The following TSPAN8 variants were observed in gnomAD, a reference collection of about 807,000 sequenced individuals.
TSPAN8 encodes the protein tetraspanin 8, also known as tetraspanin-8.
TSPAN8 carries 21 observed loss-of-function variants against 32.8 expected under a neutral mutation model. The ratio of observed to expected loss-of-function variants is 0.64; its 90% confidence interval spans 0.45 to 0.92. The LOEUF is 0.92. TSPAN8 is among the 40% of genes least tolerant of loss of function. The pLI is 0.00. For missense variants in TSPAN8, 269 were observed against 281.9 expected (o/e 0.95, Z 0.33); for synonymous variants, 95 against 94.6 (o/e 1.00, Z -0.03).
chr12:71,153,122 G>T (rs1872311494), intron 2 of TSPAN8, among the ~76,000 whole-genome samples: 1 of 151,926 alleles, frequency 6.6e-6, no homozygotes, highest in South Asian at 2.1e-4. Context: ...TTATTCTACT[G>T]CATCCACGAG....
At chr12:71,129,213 G>GT in intron 8 of TSPAN8, 118 bp downstream of exon 8, 3 of 1,139,922 alleles carry the variant, frequency 2.6e-6, no homozygotes, top group Non-Finnish European at 3.6e-6. Context: ...AAGCATCTGC[G>GT]TTTTTTATGG....
At position 71,125,220 on chromosome 12, in the gene TSPAN8, A is replaced by G. The variant is rs557525437; in HGVS notation, c.*114T>C. 2.5e-4 allele frequency: 212 copies of G among 858,588 alleles called. 1 individual carries two copies. The African/African-American group carries it at 2.8e-3, about 12-fold the overall frequency. 53.2% of individuals were successfully genotyped at this position (858,588 alleles called of 1,614,324 possible). On this transcript the variant is annotated 3_prime_UTR_variant, in exon 9 of 9. Transcript: ENST00000247829. Reference sequence around the variant, plus strand: ...TATCTGTGGTCTAGCTAGCCGAGACATTTTAAAAAGACAGCTGCTCCTGAC... The same window carrying G: ...TATCTGTGGTCTAGCTAGCCGAGACGTTTTAAAAAGACAGCTGCTCCTGAC...
At chr12:71,133,246 C>A (rs1871577934) in intron 6 of TSPAN8, among the ~76,000 whole-genome samples, 1 of 151,880 alleles carries the variant, frequency 6.6e-6, no homozygotes. Context: ...ACCACCACGC[C>A]CAGCTAATTT....
intron 6 of TSPAN8, 69 bp downstream of exon 6, chr12:71,137,884 T>A (rs1036350686): frequency 7.2e-7 from 1 of 1,396,230 alleles, no homozygotes; most frequent in African/African-American, 1.5e-5. Flanking sequence ...TTAAGGAAGA[T>A]GTTAAAAACT....
chr12:71,139,255 G>T (rs1871815104), intron 4 of TSPAN8: 1 of 457,966 alleles, frequency 2.2e-6, no homozygotes, highest in Non-Finnish European at 4.4e-6. Context: ...CTGCCACGTT[G>T]TCTTTCCGGA....
At chr12:71,157,417 G>C in intron 2 of TSPAN8, 1 of 492,256 alleles carries the variant, frequency 2.0e-6, no homozygotes, top group South Asian at 3.7e-5. Flanking sequence ...CTCACATTCT[G>C]AAGTGCACTT....
At chr12:71,140,601 G>GA (rs915331236) in intron 3 of TSPAN8, among the ~76,000 whole-genome samples, 10 of 151,942 alleles carry the variant, frequency 6.6e-5, no homozygotes, top group East Asian at 1.9e-4. Context: ...GATATGAAGG[G>GA]AAAAAAAATC....
intron 6 of TSPAN8, among the ~76,000 whole-genome samples, chr12:71,136,395 A>G (rs956352588): frequency 1.2e-4 from 18 of 152,234 alleles, no homozygotes; most frequent in Admixed American, 9.8e-4. Flanking sequence ...AGGGTAGATG[A>G]CCATAAATAT....
chr12:71,137,745 C>T (rs1292390044), intron 6 of TSPAN8, among the ~76,000 whole-genome samples: 2 of 152,120 alleles, frequency 1.3e-5, no homozygotes, highest in Non-Finnish European at 2.9e-5. Flanking sequence ...TTCTTAATTT[C>T]TCTCCTTCAA....
chr12:71,136,202 A>G (rs1871691752), intron 6 of TSPAN8, among the ~76,000 whole-genome samples: 1 of 152,180 alleles, frequency 6.6e-6, no homozygotes, highest in Admixed American at 6.5e-5. Context: ...AAAATCTATC[A>G]TATATAAAAG....
chr12:71,139,231 A>G (rs1400726573), intron 4 of TSPAN8: 5 of 457,764 alleles, frequency 1.1e-5, no homozygotes, highest in African/African-American at 6.0e-5. Context: ...GTTCCCAAAC[A>G]CACCAGCACT....
At chr12:71,139,599 T>G (rs1871831677) in intron 4 of TSPAN8, 112 bp downstream of exon 4, 1 of 1,371,356 alleles carries the variant, frequency 7.3e-7, no homozygotes, top group South Asian at 1.5e-5. Context: ...TAAAGAGAAG[T>G]TGGAGTTAGA....
chr12:71,130,728 G>A (rs1871495204), intron 7 of TSPAN8, among the ~76,000 whole-genome samples: 1 of 152,074 alleles, frequency 6.6e-6, no homozygotes, highest in South Asian at 2.1e-4. Context: ...ATGTCATTTA[G>A]GTTAACAATG....
intron 8 of TSPAN8, among the ~76,000 whole-genome samples, chr12:71,128,393 T>C (rs1371005214): frequency 6.6e-6 from 1 of 151,908 alleles, no homozygotes; most frequent in African/African-American, 2.4e-5. Flanking sequence ...GCCCAAGGAG[T>C]ACCTTGCACA....
chr12:71,136,093 G>A (rs60874786), intron 6 of TSPAN8, among the ~76,000 whole-genome samples: 4 of 148,940 alleles, frequency 2.7e-5, no homozygotes, highest in African/African-American at 2.5e-5. Flanking sequence ...CTCTGAGGGA[G>A]AAAAAAAAAA....
At chr12:71,155,137 C>G (rs1040577372) in intron 2 of TSPAN8, among the ~76,000 whole-genome samples, 1 of 152,086 alleles carries the variant, frequency 6.6e-6, no homozygotes, top group Admixed American at 6.5e-5. Context: ...ATGGGATACC[C>G]AGGTAATTAA....
At chr12:71,141,041 A>G (rs1256603745) in intron 3 of TSPAN8, among the ~76,000 whole-genome samples, 1 of 152,232 alleles carries the variant, frequency 6.6e-6, no homozygotes, top group East Asian at 1.9e-4. Flanking sequence ...GTCAATAGGA[A>G]GGAATGTGCT....
intron 2 of TSPAN8, among the ~76,000 whole-genome samples, chr12:71,156,010 C>T (rs542665581): frequency 4.2e-4 from 64 of 152,058 alleles, no homozygotes; most frequent in African/African-American, 1.4e-3. Flanking sequence ...GGATTACAGG[C>T]GTGAGCCACT....
At chr12:71,132,244 G>A (rs777257662) in intron 7 of TSPAN8, among the ~76,000 whole-genome samples, 8 of 152,194 alleles carry the variant, frequency 5.3e-5, no homozygotes, top group Non-Finnish European at 8.8e-5. Context: ...AGGACTTGGA[G>A]TCCTTTCTTT....
Sources: gnomAD v4.1 joint callset for allele counts (sites outside exome capture counted in the v4.1 genomes callset) on GRCh38, gnomAD v4.1.1 for gene constraint, MANE v1.5 for transcripts, NCBI Gene and HGNC (gene_info 2026-07-23, HGNC 2026-07-21) for gene names.